Variants in CIMIP2C observed in about 807,000 individuals in gnomAD.
CIMIP2C encodes UPF0573 protein C2orf70.
chr2:26,576,715 T>C, the CIMIP2C span, among the ~76,000 whole-genome samples: 1 of 152,158 alleles, frequency 6.6e-6, no homozygotes, highest in Non-Finnish European at 1.5e-5. Flanking sequence ...AGCCCCAGCC[T>C]GGGCGAGACT....
At chr2:26,577,073 G>A in the CIMIP2C span, among the ~76,000 whole-genome samples, 5 of 152,182 alleles carry the variant, frequency 3.3e-5, no homozygotes, top group South Asian at 4.1e-4. Flanking sequence ...AGCCATGTGC[G>A]ACCATCTCAG....
the CIMIP2C span, among the ~76,000 whole-genome samples, chr2:26,573,609 G>T: frequency 6.6e-6 from 1 of 152,196 alleles, no homozygotes; most frequent in Non-Finnish European, 1.5e-5. Flanking sequence ...AGAGAGCAAG[G>T]CACCCACCAA....
chr2:26,571,802 T>A, the CIMIP2C span, among the ~76,000 whole-genome samples: 2 of 152,100 alleles, frequency 1.3e-5, no homozygotes, highest in Non-Finnish European at 2.9e-5. Flanking sequence ...GATAAAGGAC[T>A]AGATGGAGGA....
the CIMIP2C span, chr2:26,562,651 C>T: frequency 6.3e-7 from 1 of 1,586,576 alleles, no homozygotes; most frequent in Non-Finnish European, 8.6e-7. Flanking sequence ...TGACCGAGTT[C>T]AATGCCGCCT....
the CIMIP2C span, among the ~76,000 whole-genome samples, chr2:26,571,164 G>T: frequency 1.3e-5 from 2 of 152,106 alleles, no homozygotes; most frequent in African/African-American, 2.4e-5. Flanking sequence ...ATTGACATAC[G>T]GGACATGTTG....
At chr2:26,571,363 C>T in the CIMIP2C span, among the ~76,000 whole-genome samples, 1 of 152,190 alleles carries the variant, frequency 6.6e-6, no homozygotes, top group African/African-American at 2.4e-5. Flanking sequence ...CTGGGAATGG[C>T]CTTCCCTCCT....
the CIMIP2C span, among the ~76,000 whole-genome samples, chr2:26,566,645 C>T: frequency 6.6e-6 from 1 of 152,228 alleles, no homozygotes; most frequent in East Asian, 1.9e-4. Context: ...GACATGACAA[C>T]CTCAAACACA....
chr2:26,579,375 AG>A, the CIMIP2C span: 3 of 1,613,720 alleles, frequency 1.9e-6, no homozygotes, highest in South Asian at 3.3e-5. Flanking sequence ...CCTTCCCATC[AG>A]GGAAGAGGGT....
the CIMIP2C span, among the ~76,000 whole-genome samples, chr2:26,575,650 T>G: frequency 6.6e-6 from 1 of 152,128 alleles, no homozygotes; most frequent in Non-Finnish European, 1.5e-5. Flanking sequence ...GCCACCGGGC[T>G]CCCCTGACTC....
At chr2:26,572,010 T>C in the CIMIP2C span, 54 of 1,151,786 alleles carry the variant, frequency 4.7e-5, no homozygotes, top group Non-Finnish European at 6.1e-5. Context: ...ACAAGAGATA[T>C]TAGTACAAAA....
At chr2:26,574,842 A>C in the CIMIP2C span, among the ~76,000 whole-genome samples, 1 of 152,228 alleles carries the variant, frequency 6.6e-6, no homozygotes, top group African/African-American at 2.4e-5. Flanking sequence ...GAGCATGTCC[A>C]CCGACCTGCA....
chr2:26,562,813 C>T, the CIMIP2C span: 2 of 808,176 alleles, frequency 2.5e-6, no homozygotes, highest in African/African-American at 1.7e-5. Flanking sequence ...TTCCACCCGA[C>T]GGGGCGAGGG....
At chr2:26,564,538 C>G in the CIMIP2C span, among the ~76,000 whole-genome samples, 1 of 152,198 alleles carries the variant, frequency 6.6e-6, no homozygotes, top group African/African-American at 2.4e-5. Flanking sequence ...GCTTTCTCAT[C>G]TAGATCTTTC....
the CIMIP2C span, chr2:26,572,102 T>C: frequency 2.6e-6 from 4 of 1,544,412 alleles, no homozygotes; most frequent in Non-Finnish European, 2.6e-6. Context: ...TCTAACGATG[T>C]GTTTCAATTT....
the CIMIP2C span, chr2:26,575,758 A>G: frequency 2.2e-6 from 2 of 921,690 alleles, no homozygotes; most frequent in Non-Finnish European, 3.2e-6. Flanking sequence ...TCCTGGGCTC[A>G]GGTGTTCTTC....
chr2:26,576,238 G>C, the CIMIP2C span: 124 of 1,553,730 alleles, frequency 8.0e-5, no homozygotes, highest in South Asian at 2.1e-4. Flanking sequence ...CCACGGGAAG[G>C]GAGTGATGGC....
chr2:26,572,244 A>T, the CIMIP2C span: 6 of 1,263,432 alleles, frequency 4.7e-6, no homozygotes, highest in African/African-American at 7.7e-5. Flanking sequence ...TTTACATTCC[A>T]TTCTGTAACT....
the CIMIP2C span, chr2:26,575,833 G>A: frequency 6.5e-7 from 1 of 1,537,934 alleles, no homozygotes; most frequent in South Asian, 1.2e-5. Flanking sequence ...ACTTTTAAGG[G>A]CCTCTCTTGG....
the CIMIP2C span, among the ~76,000 whole-genome samples, chr2:26,563,672 TG>T: frequency 2.6e-5 from 4 of 152,190 alleles, no homozygotes; most frequent in African/African-American, 9.7e-5. Context: ...AGTCTCCAAA[TG>T]GGTGAAAAAG....
Sources: allele counts gnomAD v4.1 joint callset (sites outside exome capture counted in the v4.1 genomes callset), GRCh38; gene constraint gnomAD v4.1.1; transcripts MANE v1.5; gene names NCBI Gene and HGNC (gene_info 2026-07-23, HGNC 2026-07-21).